The following ATF7IP2 variants were observed in gnomAD, a reference collection of about 807,000 sequenced individuals.
ATF7IP2 encodes the protein activating transcription factor 7-interacting protein 2.
ATF7IP2 carries 42 observed loss-of-function variants against 64.2 expected under a neutral mutation model. The observed-to-expected ratio is 0.65, with a 90% CI of 0.51 to 0.85. The LOEUF is 0.85. Ranked by LOEUF, ATF7IP2 falls within the 40% of genes least tolerant of loss-of-function variation. The pLI is 0.00. For synonymous variants in ATF7IP2, 308 were observed against 272.8 expected (o/e 1.13, Z -1.27); for missense variants, 933 against 784.2 (o/e 1.19, Z -2.27).
At position 10,419,978 on chromosome 16, in the gene ATF7IP2, A is replaced by G. The variant is rs977268575; in HGVS notation, c.-160+355A>G. On this transcript the variant is annotated intron_variant, in intron 3 of 13. Transcript: ENST00000562102. Reference sequence around the variant, plus strand: ...GCCTTTAGGCAGGCTCAAAAAATGTAAAGTCAGTAATGCTAGATTCAGTTG... The same window carrying G: ...GCCTTTAGGCAGGCTCAAAAAATGTGAAGTCAGTAATGCTAGATTCAGTTG... Among the ~76,000 whole-genome samples the G allele has an allele frequency of 6.2e-4, 94 of 152,354 alleles. 1 individual carries two copies. The highest frequency in any genetic ancestry group is 2.0e-3 in the African/African-American group (84 of 41,582).
intron 1 of ATF7IP2, among the ~76,000 whole-genome samples, chr16:10,397,174 C>G (rs74844491): frequency 0.042 from 6,326 of 152,158 alleles, 473 homozygotes; most frequent in African/African-American, 0.15. Context: ...CTATTCTGTT[C>G]CATTGGTTAT....
intron 1 of ATF7IP2, among the ~76,000 whole-genome samples, chr16:10,411,653 G>A (rs2047762406): frequency 6.6e-6 from 1 of 152,130 alleles, no homozygotes; most frequent in Admixed American, 6.5e-5. Flanking sequence ...ACAGGTGTGA[G>A]CCACTGCGCC....
chr16:10,482,845 G>A lies in ATF7IP2; in HGVS notation c.*596G>A, dbSNP rs2050286770. ...CAATTCTCCTATGTCAGCCTCCCAA[G>A]TAGCTGGGACTATAGTCACTTGCCA... On this transcript the variant is annotated 3_prime_UTR_variant, in exon 14 of 14. Coordinates refer to ENST00000562102, the MANE Select transcript of ATF7IP2 (RefSeq NM_001393719.1). The A allele has an allele frequency of 6.6e-6, 1 of 152,182 alleles. No individual in the cohort carries two copies. Among genetic ancestry groups the A allele is most frequent in the African/African-American group, 2.4e-5 (1 of 41,412 alleles). The allele number at this position is 152,182 out of a possible 1,614,324, so 9.4% of individuals were successfully genotyped here. A position where few individuals can be genotyped will look rare whatever the true frequency, so the allele number is the denominator to read the frequency against.
intron 1 of ATF7IP2, among the ~76,000 whole-genome samples, chr16:10,405,103 C>A (rs567827365): frequency 6.6e-6 from 1 of 152,024 alleles, no homozygotes; most frequent in Non-Finnish European, 1.5e-5. Flanking sequence ...TGGCTCATGC[C>A]TGTAATCTCG....
At chr16:10,421,310 T>A (rs979648242) in intron 3 of ATF7IP2, among the ~76,000 whole-genome samples, 2 of 152,168 alleles carry the variant, frequency 1.3e-5, no homozygotes, top group Admixed American at 1.3e-4. Flanking sequence ...TAGAGTCTTC[T>A]CTGGATCTTT....
At chr16:10,475,722 G>GAAAAA (rs386384218) in intron 12 of ATF7IP2, among the ~76,000 whole-genome samples, 4 of 41,630 alleles carry the variant, frequency 9.6e-5, no homozygotes, top group African/African-American at 2.4e-4. Context: ...TAAGAAGCCA[G>GAAAAA]AAAAAAAAAA....
At chr16:10,407,784 C>T (rs932921896) in intron 1 of ATF7IP2, among the ~76,000 whole-genome samples, 1 of 152,190 alleles carries the variant, frequency 6.6e-6, no homozygotes, top group Non-Finnish European at 1.5e-5. Flanking sequence ...TTTTATCCCT[C>T]ATCACCCTTT....
intron 6 of ATF7IP2, 23 bp downstream of exon 6, chr16:10,433,672 G>T: frequency 1.2e-6 from 2 of 1,609,962 alleles, no homozygotes; most frequent in South Asian, 2.2e-5. Context: ...GGCTTAAATG[G>T]AACTTTTACT....
Position 10,431,884 on chromosome 16 carries a change from C to T in ATF7IP2, c.835+429C>T, listed in dbSNP as rs1175260533. ...TGTCGCTCAGGCTGGAGTGCAGTGG[C>T]GCGATCTTGGCTCACTGCAACCCCC... On this transcript the variant is annotated intron_variant, in intron 5 of 13. Transcript: ENST00000562102. Among the ~76,000 whole-genome samples, 11 of 135,488 alleles carry T rather than the reference C, an allele frequency of 8.1e-5. No individual in the cohort carries two copies. The East Asian group carries it at 1.3e-3, about 16-fold the overall frequency. The allele number at this position is 135,488 out of a possible 152,430, so 88.9% of individuals were successfully genotyped here.
chr16:10,423,094 A>G (rs1026439007), intron 3 of ATF7IP2, among the ~76,000 whole-genome samples: 1 of 152,176 alleles, frequency 6.6e-6, no homozygotes, highest in Admixed American at 6.5e-5. Flanking sequence ...AATACAAAAA[A>G]TTAGCCAGGC....
In ATF7IP2 at chr16:10,482,155, A is replaced by G. The variant is rs1187914392; in HGVS notation, c.1955A>G (p.Tyr652Cys). 6 of 1,613,094 alleles carry G rather than the reference A, an allele frequency of 3.7e-6. No individual in the cohort carries two copies. In the African/African-American group the frequency reaches 6.7e-5, roughly 18 times the overall value. Residue 652 changes from tyrosine to cysteine, a missense_variant, in exon 14 of 14, where the codon TAC (tyrosine) becomes TGC (cysteine). By Grantham distance (194) the Tyr-to-Cys change is radical (BLOSUM62 -2). Coordinates refer to ENST00000562102, the MANE Select transcript of ATF7IP2 (RefSeq NM_001393719.1). Reference sequence around the variant, plus strand: ...TCTCAGTTTTTAGCTTCCAACAGATACTATTTTACTGTCCAATCAAAAGAT... The same window carrying G: ...TCTCAGTTTTTAGCTTCCAACAGATGCTATTTTACTGTCCAATCAAAAGAT... ...TLSQFLASNR[Y>C]YFTVQSKDIF...
chr16:10,424,379 G>C (rs2048044166), intron 3 of ATF7IP2, among the ~76,000 whole-genome samples: 1 of 152,136 alleles, frequency 6.6e-6, no homozygotes, highest in South Asian at 2.1e-4. Context: ...ACTGAAAATG[G>C]ATCAAAAACC....
At chr16:10,391,378 G>C (rs1317851901) in intron 1 of ATF7IP2, among the ~76,000 whole-genome samples, 1 of 151,342 alleles carries the variant, frequency 6.6e-6, no homozygotes, top group Non-Finnish European at 1.5e-5. Flanking sequence ...CGGAGATCTT[G>C]CATTGCACTC....
At chr16:10,455,093 A>C (rs561175099) in intron 8 of ATF7IP2, among the ~76,000 whole-genome samples, 1 of 152,180 alleles carries the variant, frequency 6.6e-6, no homozygotes. Context: ...TCGACCTTCT[A>C]CAGCTATGGT....
intron 5 of ATF7IP2, among the ~76,000 whole-genome samples, chr16:10,433,319 G>A (rs768817967): frequency 1.3e-4 from 19 of 151,922 alleles, no homozygotes; most frequent in Non-Finnish European, 2.1e-4. Context: ...GAGACTACGG[G>A]CATGCCCCAC....
At chr16:10,451,152 T>A (rs1265372076) in intron 8 of ATF7IP2, among the ~76,000 whole-genome samples, 1 of 152,256 alleles carries the variant, frequency 6.6e-6, no homozygotes, top group Non-Finnish European at 1.5e-5. Context: ...CCCCACTCTC[T>A]TCTGGCTTGT....
chr16:10,471,873 A>G, intron 9 of ATF7IP2: 1 of 304,462 alleles, frequency 3.3e-6, no homozygotes, highest in South Asian at 7.5e-5. Context: ...TGAAAGACCC[A>G]TAAAATGTAG....
intron 9 of ATF7IP2, among the ~76,000 whole-genome samples, chr16:10,464,487 A>G (rs1329984089): frequency 3.3e-5 from 5 of 152,186 alleles, no homozygotes; most frequent in Non-Finnish European, 7.3e-5. Flanking sequence ...GAAAGGCAAT[A>G]ACAACTGAGC....
intron 1 of ATF7IP2, among the ~76,000 whole-genome samples, chr16:10,405,867 G>T (rs1328188470): frequency 1.3e-5 from 2 of 152,120 alleles, no homozygotes; most frequent in Admixed American, 1.3e-4. Flanking sequence ...CCTAACAGAA[G>T]CTTTCACTTG....
Sources: gnomAD v4.1 joint callset for allele counts (sites outside exome capture counted in the v4.1 genomes callset) on GRCh38, gnomAD v4.1.1 for gene constraint, MANE v1.5 for transcripts, NCBI Gene and HGNC (gene_info 2026-07-23, HGNC 2026-07-21) for gene names.